Variants in DIDO1 observed in about 807,000 individuals in gnomAD.
The protein encoded by DIDO1 is death inducer-obliterator 1.
DIDO1 carries 16 observed loss-of-function variants against 99.4 expected under a neutral mutation model. The observed-to-expected ratio is 0.16, with a 90% CI of 0.11 to 0.24. The LOEUF is 0.24. DIDO1 is among the 10% of genes least tolerant of loss of function. DIDO1 has a pLI of 1.00. For missense variants in DIDO1, 2,996 were observed against 3,014.0 expected (o/e 0.99, Z 0.14); for synonymous variants, 1,366 against 1,239.1 (o/e 1.10, Z -2.15).
chr20:62,900,499 C>G (rs1026313095), intron 6 of DIDO1, among the ~76,000 whole-genome samples: 2 of 152,144 alleles, frequency 1.3e-5, no homozygotes, highest in Admixed American at 1.3e-4. Flanking sequence ...GGTGCTACTC[C>G]GCTCCTCTCT....
rs115842710 is a variant in DIDO1 at position 62,905,998 on chromosome 20, C to T, written c.1477G>A (p.Gly493Arg). 40 of 1,614,040 alleles carry T rather than the reference C, an allele frequency of 2.5e-5. No individual in the cohort carries two copies. The African/African-American group carries it at 2.7e-4, about 11-fold the overall frequency. The change falls in exon 6 of 16, where the codon GGG (glycine) becomes AGG (arginine). Residue 493 changes from glycine to arginine, a missense_variant. By Grantham distance (125) the Gly-to-Arg change is moderately radical. Around this residue, in one of 5 missense-constraint regions of DIDO1, gnomAD observed 898 missense variants for 972.7 expected, o/e 0.92. Transcript: ENST00000395343. ...VVVPARSEAL[G>R]KEAACESSTP... ...CTGCTCTCACAAGCTGCTTCCTTCC[C>T]GAGTGCTTCACTCCGCGCAGGGACC... is the stretch of plus-strand genomic sequence containing the variant.
chr20:62,902,786 G>A (rs1420527273), intron 6 of DIDO1, among the ~76,000 whole-genome samples: 9 of 152,304 alleles, frequency 5.9e-5, no homozygotes, highest in East Asian at 3.9e-4. Flanking sequence ...AACTGGCAAC[G>A]TTTTCCATTT....
intron 4 of DIDO1, 137 bp downstream of exon 4, chr20:62,909,562 G>A (rs2064881832): frequency 1.1e-6 from 1 of 931,842 alleles, no homozygotes; most frequent in Non-Finnish European, 1.6e-6. Context: ...TCACCCAGGT[G>A]GAGTGAGGCA....
intron 1 of DIDO1, among the ~76,000 whole-genome samples, chr20:62,936,692 C>A (rs913183774): frequency 1.3e-5 from 2 of 152,056 alleles, no homozygotes; most frequent in South Asian, 2.1e-4. Context: ...GGGGAAACCC[C>A]GTCTCTACTA....
intron 1 of DIDO1, among the ~76,000 whole-genome samples, chr20:62,925,827 C>CA (rs964860322): frequency 3.9e-5 from 6 of 152,160 alleles, no homozygotes; most frequent in African/African-American, 7.2e-5. Context: ...AACTATTCCA[C>CA]AAAAAAACTG....
At position 62,937,696 on chromosome 20, in the gene DIDO1, G is replaced by A. The variant is rs1397014143; in HGVS notation, c.-200+100C>T. 1.1e-5 allele frequency: 4 copies of A among 371,358 alleles called. No individual in the cohort carries two copies. In the Admixed American group the frequency reaches 1.4e-4, roughly 13 times the overall value. The allele number at this position is 371,358 out of a possible 1,614,324, so 23.0% of individuals were successfully genotyped here. On this transcript the variant is annotated intron_variant, in intron 1 of 15. Coordinates refer to the DIDO1 transcript ENST00000266070. ...CCCTGGAAGGCCGCCGGTCGGGAGG[G>A]GACTCCCTCCCCGTCTGAGGGGCGG...
intron 1 of DIDO1, among the ~76,000 whole-genome samples, chr20:62,914,704 G>A (rs2065008293): frequency 6.6e-6 from 1 of 152,156 alleles, no homozygotes; most frequent in Non-Finnish European, 1.5e-5. Context: ...GGCCAGAGAG[G>A]AGTCGCCAAG....
At chr20:62,903,876 G>A (rs1379729181) in intron 6 of DIDO1, among the ~76,000 whole-genome samples, 3 of 152,154 alleles carry the variant, frequency 2.0e-5, no homozygotes, top group Admixed American at 2.0e-4. Flanking sequence ...GGGAGAAGAG[G>A]TCAGAGTACC....
chr20:62,892,672 C>T, intron 13 of DIDO1, 137 bp downstream of exon 13: 1 of 1,216,364 alleles, frequency 8.2e-7, no homozygotes, highest in Non-Finnish European at 1.1e-6. Context: ...TGCATCCAGA[C>T]AGACGGTTGC....
At chr20:62,936,251 A>G (rs2065382219) in intron 1 of DIDO1, among the ~76,000 whole-genome samples, 1 of 152,160 alleles carries the variant, frequency 6.6e-6, no homozygotes, top group Non-Finnish European at 1.5e-5. Flanking sequence ...CGTCTCTAAA[A>G]AACTTTAAAA....
At chr20:62,924,575 C>G (rs2065217649) in intron 1 of DIDO1, among the ~76,000 whole-genome samples, 1 of 152,200 alleles carries the variant, frequency 6.6e-6, no homozygotes, top group African/African-American at 2.4e-5. Flanking sequence ...AACAGCAGAA[C>G]CTGCCAACTT....
upstream of DIDO1, among the ~76,000 whole-genome samples, chr20:62,929,699 A>ATATATATATATATATC (rs2065308977): frequency 7.9e-6 from 1 of 127,258 alleles, no homozygotes; most frequent in Non-Finnish European, 1.7e-5. Flanking sequence ...AAAAGTGTAT[A>ATATATATATATATATC]TATATATATA....
intron 15 of DIDO1, chr20:62,887,225 G>A (rs1287701084): frequency 8.1e-6 from 8 of 985,356 alleles, no homozygotes; most frequent in Non-Finnish European, 8.4e-6. Flanking sequence ...TTCCATGAAA[G>A]ATGTTTATTG....
intron 1 of DIDO1, among the ~76,000 whole-genome samples, chr20:62,921,923 A>G (rs975463059): frequency 2.5e-4 from 37 of 149,614 alleles, no homozygotes; most frequent in African/African-American, 9.0e-4. Flanking sequence ...TATACACTAT[A>G]TATGTCCAAA....
intron 1 of DIDO1, among the ~76,000 whole-genome samples, chr20:62,922,219 T>TATATAC (rs1555851815): frequency 2.2e-5 from 2 of 90,210 alleles, no homozygotes; most frequent in Admixed American, 1.3e-4. Context: ...TACATATATA[T>TATATAC]ACACACACAC....
chr20:62,880,403 C>T lies in DIDO1; in HGVS notation c.5553G>A (p.Glu1851=), dbSNP rs2064179428. The change falls in exon 16 of 16, where the codon GAG becomes GAA. Residue 1851 remains glutamate (E), a synonymous_variant. Coordinates refer to ENST00000395343, the MANE Select transcript of DIDO1 (RefSeq NM_001193369.2). ...QFEERKDPHG[E]KREFQDAPYN... The stretch of plus-strand genomic sequence containing the variant: ...ACGGGGCGTCCTGGAACTCCCTCTT[C>T]TCCCCATGGGGATCCTTGCGTTCTT... 1.9e-6 allele frequency: 3 copies of T among 1,612,772 alleles called. No homozygotes were observed. In the South Asian group the frequency reaches 3.3e-5, roughly 18 times the overall value.
rs1276945175 is a variant in DIDO1, at chr20:62,896,149, G to A, written c.2214+84C>T. ...GTCTTAGCTTTCCTGGAAAGGACAC[G>A]AACATCTCAAAATATTGGTTGATCC... On this transcript the variant is annotated intron_variant, in intron 8 of 15. Coordinates refer to ENST00000395343, the MANE Select transcript of DIDO1 (RefSeq NM_001193369.2). The surrounding 1 kb of genome is among the most constrained non-coding windows in gnomAD (Gnocchi z 4.4). 1.6e-5 allele frequency: 22 copies of A among 1,362,940 alleles called. No homozygotes were observed. Among genetic ancestry groups the A allele is most frequent in the African/African-American group, 4.4e-5 (3 of 68,134 alleles). 84.4% of individuals were successfully genotyped at this position (1,362,940 alleles called of 1,614,324 possible). A position where few individuals can be genotyped will look rare whatever the true frequency, so the allele number is the denominator to read the frequency against.
chr20:62,888,730 T>C (rs1039131974), intron 15 of DIDO1: 10 of 985,342 alleles, frequency 1.0e-5, no homozygotes, highest in Non-Finnish European at 1.1e-5. Context: ...TACATGTTTA[T>C]ATCTAGAAAA....
chr20:62,881,163 C>T lies in DIDO1; in HGVS notation c.4793G>A (p.Gly1598Asp), dbSNP rs779378700. 9.0e-5 allele frequency: 145 copies of T among 1,608,564 alleles called. No homozygotes were observed. Among genetic ancestry groups the T allele is most frequent in the Non-Finnish European group, 1.1e-4 (130 of 1,179,562 alleles). Residue 1598 changes from glycine to aspartate, a missense_variant, in exon 16 of 16, where the codon GGT (glycine) becomes GAT (aspartate). By Grantham distance (94) the Gly-to-Asp change is moderately conservative. This residue lies in a region of DIDO1 where 1,562 missense variants were observed against 1,412.6 expected (regional missense o/e 1.11). Transcript: ENST00000395343. This position sits in a 1 kb window ranked among gnomAD's most constrained non-coding sequence, Gnocchi z 8.3. ...CATGGGCGCCTGGCCCACGAGGCCACCCCTGGAAGCATCTCTCTCGGGCAG... is the reference window on the plus strand; with the variant it reads ...CATGGGCGCCTGGCCCACGAGGCCATCCCTGGAAGCATCTCTCTCGGGCAG... ...GALPERDASR[G>D]GLVGQAPMPV...
Sources: gnomAD v4.1 joint callset for allele counts (sites outside exome capture counted in the v4.1 genomes callset) on GRCh38, gnomAD v4.1.1 for gene constraint, gnomAD v4.1.1 regional missense constraint, Gnocchi (gnomAD v3.1) non-coding constraint, MANE v1.5 for transcripts, NCBI Gene and HGNC (gene_info 2026-07-23, HGNC 2026-07-21) for gene names.